Variants in CTNND2 observed in about 807,000 individuals in gnomAD.
The protein encoded by CTNND2 is catenin delta-2.
A neutral mutation model predicts 144.4 loss-of-function variants in CTNND2; 22 were observed. That is an observed-to-expected ratio of 0.15 (90% CI 0.11 to 0.22). The LOEUF is 0.22. Ranked by LOEUF, CTNND2 falls within the 10% of genes least tolerant of loss-of-function variation. The probability of loss-of-function intolerance (pLI) is 1.00; values close to 1 mark genes in which losing one functional copy is unlikely to be tolerated. For missense variants in CTNND2, 1,353 were observed against 1,618.8 expected, an observed-to-expected ratio of 0.84 and a Z score of 2.82; for synonymous variants, 751 against 695.6, an observed-to-expected ratio of 1.08 and a Z score of -1.25.
rs576597212 is a variant in CTNND2 at position 11,349,997 on chromosome 5, C to T, written c.1373-3370G>A. On this transcript the variant is annotated intron_variant, in intron 8 of 21. Transcript: ENST00000304623. ...CTAAAGACACAAAACATTAGTCGGGCGTGGTGGCACGTGCCTGTAATCCCA... is the reference window on the plus strand; with the variant it reads ...CTAAAGACACAAAACATTAGTCGGGTGTGGTGGCACGTGCCTGTAATCCCA... Among the ~76,000 whole-genome samples the T allele has an allele frequency of 1.8e-4, 28 of 152,174 alleles. 1 individual carries two copies.
rs181247199 is a variant in CTNND2 at position 11,111,119 on chromosome 5, C to G, written c.2278-76G>C. On this transcript the variant is annotated intron_variant, in intron 13 of 21. Transcript: ENST00000304623. ...CACTCCATTCTTCCACCTGGAAAGG[C>G]CTCTTTCTCCATGGACACATTTCTC... The G allele has an allele frequency of 5.9e-5, 86 of 1,448,576 alleles. No individual in the cohort carries two copies. In the Admixed American group the frequency reaches 9.6e-4, roughly 16 times the overall value. The allele number at this position is 1,448,576 out of a possible 1,614,324, so 89.7% of individuals were successfully genotyped here.
intron 11 of CTNND2, among the ~76,000 whole-genome samples, chr5:11,165,748 A>G (rs769756004): frequency 2.0e-5 from 3 of 152,184 alleles, no homozygotes; most frequent in Non-Finnish European, 4.4e-5. Context: ...ATCCATATTC[A>G]TGAGCAATGA....
At chr5:11,395,186 T>C (rs1325618871) in intron 6 of CTNND2, among the ~76,000 whole-genome samples, 1 of 152,178 alleles carries the variant, frequency 6.6e-6, no homozygotes, top group African/African-American at 2.4e-5. Context: ...AAAAGCAGAG[T>C]GAAAATGCTG....
chr5:11,268,369 G>A (rs1296845182), intron 9 of CTNND2, among the ~76,000 whole-genome samples: 1 of 152,142 alleles, frequency 6.6e-6, no homozygotes, highest in Non-Finnish European at 1.5e-5. Context: ...GATCACTTGA[G>A]GCCAAGAGTT....
intron 8 of CTNND2, among the ~76,000 whole-genome samples, chr5:11,360,976 G>A (rs548199502): frequency 1.3e-5 from 2 of 152,248 alleles, no homozygotes; most frequent in Admixed American, 6.5e-5. Flanking sequence ...TGCAGTCAAC[G>A]AAGCCCAGGA....
At chr5:11,191,781 C>T (rs908922027) in intron 11 of CTNND2, among the ~76,000 whole-genome samples, 1 of 152,144 alleles carries the variant, frequency 6.6e-6, no homozygotes, top group Admixed American at 6.5e-5. Flanking sequence ...TGGCAAAGAG[C>T]GGCAGCTTTG....
intron 3 of CTNND2, among the ~76,000 whole-genome samples, chr5:11,541,587 C>A (rs951028434): frequency 6.6e-6 from 1 of 152,136 alleles, no homozygotes; most frequent in Admixed American, 6.5e-5. Flanking sequence ...TAGAGAATGA[C>A]GAACACACTT....
At chr5:11,644,041 A>T (rs1295824369) in intron 2 of CTNND2, among the ~76,000 whole-genome samples, 1 of 152,222 alleles carries the variant, frequency 6.6e-6, no homozygotes, top group Non-Finnish European at 1.5e-5. Context: ...GAACTCATTG[A>T]TCTTATTTCT....
intron 7 of CTNND2, among the ~76,000 whole-genome samples, chr5:11,377,699 A>C (rs114250335): frequency 6.6e-6 from 1 of 152,270 alleles, no homozygotes; most frequent in Non-Finnish European, 1.5e-5. Flanking sequence ...AAGGAAACAA[A>C]AATGAAAGAC....
intron 2 of CTNND2, among the ~76,000 whole-genome samples, chr5:11,607,957 A>G (rs1435011426): frequency 1.3e-5 from 2 of 152,214 alleles, no homozygotes; most frequent in Non-Finnish European, 2.9e-5. Flanking sequence ...AACCCAGGGG[A>G]AAATCCTCTT....
intron 2 of CTNND2, among the ~76,000 whole-genome samples, chr5:11,618,493 G>A (rs1214647657): frequency 2.0e-5 from 3 of 152,126 alleles, no homozygotes; most frequent in Admixed American, 6.5e-5. Context: ...CCTAGGAAAC[G>A]TCTTCACAAC....
At chr5:11,303,076 T>C (rs1331947417) in intron 9 of CTNND2, among the ~76,000 whole-genome samples, 1 of 152,190 alleles carries the variant, frequency 6.6e-6, no homozygotes, top group Admixed American at 6.5e-5. Flanking sequence ...AGTATGTCTT[T>C]TCTCCTTAAG....
chr5:11,158,986 T>A (rs760414656), intron 12 of CTNND2, among the ~76,000 whole-genome samples: 9 of 152,202 alleles, frequency 5.9e-5, no homozygotes, highest in Admixed American at 5.9e-4. Flanking sequence ...GAAATCTCAA[T>A]AGATTCCTGA....
At chr5:11,053,855 T>C (rs796630483) in intron 16 of CTNND2, among the ~76,000 whole-genome samples, 9 of 152,382 alleles carry the variant, frequency 5.9e-5, no homozygotes, top group South Asian at 2.1e-4. Context: ...CACTGCTTCA[T>C]TGTTCCATTA....
chr5:11,763,760 G>C (rs1224740694), intron 1 of CTNND2, among the ~76,000 whole-genome samples: 1 of 152,146 alleles, frequency 6.6e-6, no homozygotes, highest in African/African-American at 2.4e-5. Flanking sequence ...GAGCTTCAAT[G>C]AGTACAGTGG....
At chr5:11,162,451 A>G (rs1181725005) in intron 11 of CTNND2, among the ~76,000 whole-genome samples, 3 of 152,136 alleles carry the variant, frequency 2.0e-5, no homozygotes, top group African/African-American at 4.8e-5. Flanking sequence ...AGTGTAACCT[A>G]ATTCAGAATC....
intron 11 of CTNND2, among the ~76,000 whole-genome samples, chr5:11,180,696 T>C (rs541757642): frequency 3.9e-5 from 6 of 152,298 alleles, no homozygotes; most frequent in Middle Eastern, 3.4e-3. Flanking sequence ...CTCTTTTCCA[T>C]ATTTGCCCTA....
At chr5:11,659,763 C>A (rs1190085673) in intron 2 of CTNND2, among the ~76,000 whole-genome samples, 1 of 152,144 alleles carries the variant, frequency 6.6e-6, no homozygotes. Context: ...CAAGGACTCT[C>A]TTCAGTGGTC....
In CTNND2 at chr5:11,247,671, T is replaced by C. The variant is rs1743139787; in HGVS notation, c.1629-10848A>G. On this transcript the variant is annotated intron_variant, in intron 9 of 21. Coordinates refer to ENST00000304623, the MANE Select transcript of CTNND2 (RefSeq NM_001332.4). ...ATTAGAAGTTAGGGGTGAGGAATGA[T>C]GTAAAATGATTAGCCCCAATTTATG... Among the ~76,000 whole-genome samples the C allele has an allele frequency of 2.0e-5, 3 of 152,226 alleles. No individual in the cohort carries two copies. The South Asian group carries it at 6.2e-4, about 31-fold the overall frequency.
Sources: gnomAD v4.1 joint callset for allele counts (sites outside exome capture counted in the v4.1 genomes callset) on GRCh38, gnomAD v4.1.1 for gene constraint, MANE v1.5 for transcripts, NCBI Gene and HGNC (gene_info 2026-07-23, HGNC 2026-07-21) for gene names.